Variants in CLN8 observed in about 807,000 individuals in gnomAD.
CLN8 encodes the protein protein CLN8.
In CLN8, 14 loss-of-function variants were observed where a neutral mutation model predicts 15.7. The ratio of observed to expected loss-of-function variants is 0.89; its 90% confidence interval spans 0.59 to 1.39. The LOEUF (loss-of-function observed/expected upper bound fraction) is 1.39, where lower values mean the gene tolerates loss of function less well. Ranked by LOEUF, CLN8 falls within the 40% of genes most tolerant of loss-of-function variation. CLN8 has a pLI of 0.00. For missense variants in CLN8, 415 were observed against 364.0 expected (o/e 1.14, Z -1.14); for synonymous variants, 188 against 151.0 (o/e 1.25, Z -1.80).
At chr8:1,760,711 A>G (rs544123672), upstream of CLN8, among the ~76,000 whole-genome samples, 1 of 152,302 alleles carries the variant, frequency 6.6e-6, no homozygotes, top group African/African-American at 2.4e-5. Context: ...GTGCTGATGG[A>G]GAAAGGGGTC....
At chr8:1,754,699 A>G (rs556133512), upstream of CLN8, among the ~76,000 whole-genome samples, 1 of 152,310 alleles carries the variant, frequency 6.6e-6, no homozygotes, top group South Asian at 2.1e-4. Context: ...AACTTGGTGG[A>G]AGGCTGGGTG....
At chr8:1,771,859 AGCTCAGTAGATTTTATG>A (rs1801320831) in intron 2 of CLN8, among the ~76,000 whole-genome samples, 1 of 152,108 alleles carries the variant, frequency 6.6e-6, no homozygotes, top group African/African-American at 2.4e-5. Context: ...AAGGAAAGAA[AGCTCAGTAGATTTTATG>A]GCTCAGTAGA....
intron 1 of CLN8, among the ~76,000 whole-genome samples, chr8:1,757,733 CTTTTTAAAGGCTGGTTGTTATGGGCA>C (rs936904992): frequency 2.6e-5 from 4 of 152,130 alleles, no homozygotes; most frequent in African/African-American, 4.8e-5. Context: ...TGCTTGGGCA[CTTTTTAAAGGCTGGTTGTTATGGGCA>C]TTTTTAAAGG....
Position 1,771,292 on chromosome 8 carries a change from G to T in CLN8, c.238G>T (p.Ala80Ser), listed in dbSNP as rs998922998. ...RAVFGVQSTA[A>S]GLWALLGDPV... is the part of the protein sequence containing the mutation. The stretch of plus-strand genomic sequence containing the variant: ...AGTCTTTGGTGTTCAGAGCACAGCC[G>T]CAGGCCTGTGGGCTCTGCTGGGGGA... Residue 80 changes from alanine (A) to serine (S), a missense_variant, in exon 2 of 3, where the codon GCA (alanine) becomes TCA (serine). Physicochemically the swap from Ala to Ser is moderately conservative, Grantham distance 99. Transcript: ENST00000331222. 2 of 1,614,180 alleles carry T rather than the reference G, an allele frequency of 1.2e-6. No individual in the cohort carries two copies. Among genetic ancestry groups the T allele is most frequent in the Admixed American group, 1.7e-5 (1 of 60,028 alleles).
chr8:1,774,833 A>T (rs924176696), intron 2 of CLN8, among the ~76,000 whole-genome samples: 1 of 152,194 alleles, frequency 6.6e-6, no homozygotes, highest in Non-Finnish European at 1.5e-5. Flanking sequence ...CAAAAAATAC[A>T]AACATTAACT....
chr8:1,763,107 GGTCCGGGGCTTGGGCCCTGTGTCCTC>G (rs1800846420), upstream of CLN8: 1 of 152,130 alleles, frequency 6.6e-6, no homozygotes, highest in Non-Finnish European at 1.5e-5. Context: ...AAGACTTGAA[GGTCCGGGGCTTGGGCCCTGTGTCCTC>G]ACCGAGCCCC....
At chr8:1,757,701 G>A (rs1054782625) in intron 1 of CLN8, among the ~76,000 whole-genome samples, 1 of 152,178 alleles carries the variant, frequency 6.6e-6, no homozygotes, top group Non-Finnish European at 1.5e-5. Flanking sequence ...CAGAGTGCTG[G>A]GATTATAGGC....
At chr8:1,776,721 T>C (rs954833192) in intron 2 of CLN8, among the ~76,000 whole-genome samples, 19 of 152,254 alleles carry the variant, frequency 1.2e-4, no homozygotes, top group African/African-American at 4.6e-4. Flanking sequence ...GTGAGACTTC[T>C]GGTGTCCTTG....
rs191682084 is a variant in CLN8, at chr8:1,774,562, A to C, written c.543+2965A>C. Among the ~76,000 whole-genome samples, 21 of 152,320 alleles carry C rather than the reference A, an allele frequency of 1.4e-4. No homozygotes were observed. In the East Asian group the frequency reaches 4.1e-3, roughly 29 times the overall value. On this transcript the variant is annotated intron_variant, in intron 2 of 2. Transcript: ENST00000331222. ...GATTTGATCAGAACTAAAGGATGTA[A>C]AGACAAAATATTACCATCAATTTAG...
At chr8:1,766,826 G>T (rs142457086) in intron 1 of CLN8, among the ~76,000 whole-genome samples, 7 of 152,248 alleles carry the variant, frequency 4.6e-5, no homozygotes, top group African/African-American at 1.7e-4. Flanking sequence ...CCCATTTTGC[G>T]TATCAAGAGT....
upstream of CLN8, among the ~76,000 whole-genome samples, chr8:1,760,661 C>T (rs879857726): frequency 3.3e-5 from 5 of 152,132 alleles, no homozygotes; most frequent in Admixed American, 2.0e-4. Flanking sequence ...TTTGTTAAGA[C>T]AGGCCTCAGC....
At chr8:1,774,143 A>C (rs572465653) in intron 2 of CLN8, among the ~76,000 whole-genome samples, 3 of 152,206 alleles carry the variant, frequency 2.0e-5, no homozygotes, top group Non-Finnish European at 4.4e-5. Flanking sequence ...CGTCTCCAGC[A>C]GTTCTCCCTC....
At chr8:1,762,487 C>A (rs1395794729), upstream of CLN8, 2 of 152,220 alleles carry the variant, frequency 1.3e-5, no homozygotes, top group Non-Finnish European at 2.9e-5. Flanking sequence ...GCTGGCAGTT[C>A]TCTGGCCTCC....
chr8:1,770,969 C>T lies in CLN8; in HGVS notation c.-86C>T, dbSNP rs1585136980. 3.2e-6 allele frequency: 4 copies of T among 1,248,214 alleles called. No homozygotes were observed. The African/African-American group carries it at 5.9e-5, about 18-fold the overall frequency. 77.3% of individuals were successfully genotyped at this position (1,248,214 alleles called of 1,614,324 possible). A position where few individuals can be genotyped will look rare whatever the true frequency, so the allele number is the denominator to read the frequency against. ...TACGTGACAATCCCAGGGACCGCTG[C>T]ACTGACTTCATTTCCTTAGACAAGA... On this transcript the variant is annotated 5_prime_UTR_variant, in exon 2 of 3. Coordinates refer to ENST00000331222, the MANE Select transcript of CLN8 (RefSeq NM_018941.4).
intron 2 of CLN8, among the ~76,000 whole-genome samples, chr8:1,772,515 G>A (rs1461038529): frequency 1.3e-5 from 2 of 151,970 alleles, no homozygotes; most frequent in Non-Finnish European, 2.9e-5. Flanking sequence ...CTGGAGTGCA[G>A]TGGCATGATC....
At chr8:1,772,999 A>G (rs1801374635) in intron 2 of CLN8, 1 of 398,610 alleles carries the variant, frequency 2.5e-6, no homozygotes, top group African/African-American at 2.1e-5. Flanking sequence ...GGTAGATGAT[A>G]TCAGTCCATC....
At chr8:1,770,765 C>T (rs917369446) in intron 1 of CLN8, among the ~76,000 whole-genome samples, 167 bp from the exon 2 acceptor site, 2 of 152,160 alleles carry the variant, frequency 1.3e-5, no homozygotes, top group Non-Finnish European at 2.9e-5. Flanking sequence ...TTTCTTTCCT[C>T]CTATACTGTC....
chr8:1,771,665 G>A (rs1354650813), intron 2 of CLN8, 68 bp downstream of exon 2: 2 of 1,450,390 alleles, frequency 1.4e-6, no homozygotes, highest in African/African-American at 2.8e-5. Flanking sequence ...CAATGTCCTG[G>A]ACGCTGCCAT....
At chr8:1,773,453 T>C (rs1421293124) in intron 2 of CLN8, 2 of 153,114 alleles carry the variant, frequency 1.3e-5, no homozygotes, top group South Asian at 2.1e-4. Flanking sequence ...GTTGGAACCA[T>C]GAATAGTTTG....
Sources: gnomAD v4.1 joint callset for allele counts (sites outside exome capture counted in the v4.1 genomes callset) on GRCh38, gnomAD v4.1.1 for gene constraint, MANE v1.5 for transcripts, NCBI Gene and HGNC (gene_info 2026-07-23, HGNC 2026-07-21) for gene names.